RSRP1: variants seen among roughly 807,000 people sequenced by gnomAD.
RSRP1 encodes the protein arginine and serine rich protein 1.
In RSRP1, 37 loss-of-function variants were observed where a neutral mutation model predicts 33.0. The observed-to-expected ratio is 1.12, with a 90% CI of 0.86 to 1.48. RSRP1 has a LOEUF of 1.48. Ranked by LOEUF, RSRP1 falls within the 40% of genes most tolerant of loss-of-function variation. The pLI is 0.00. For synonymous variants in RSRP1, 167 were observed against 158.7 expected, an observed-to-expected ratio of 1.05 and a Z score of -0.40; for missense variants, 402 against 385.3, an observed-to-expected ratio of 1.04 and a Z score of -0.36.
Position 25,303,012 on chromosome 1 carries a change from C to T in RSRP1, c.-67+34966G>A, listed in dbSNP as rs2765553. 1.1e-3 allele frequency among the ~76,000 whole-genome samples: 147 copies of T among 128,944 alleles called. 11 individuals carry two copies. The highest frequency in any genetic ancestry group is 4.1e-3 in the East Asian group (21 of 5,098). The allele number at this position is 128,944 out of a possible 152,430, so 84.6% of individuals were successfully genotyped here. A position where few individuals can be genotyped will look rare whatever the true frequency, so the allele number is the denominator to read the frequency against. On this transcript the variant is annotated intron_variant, in intron 1 of 1. Coordinates refer to the RSRP1 transcript ENST00000561867. Reference sequence around the variant, plus strand: ...AAACAAAAACCCATTCTTCCCGCTGCCCAGGGACACACCACTAATGAGTGT... The same window carrying T: ...AAACAAAAACCCATTCTTCCCGCTGTCCAGGGACACACCACTAATGAGTGT...
chr1:25,263,289 C>T (rs660014), intron 1 of RSRP1, among the ~76,000 whole-genome samples: 18 of 151,754 alleles, frequency 1.2e-4, no homozygotes, highest in African/African-American at 2.9e-4. Context: ...TCTCGTAGGA[C>T]TTTATTCTGC....
chr1:25,246,717 G>T lies in RSRP1; in HGVS notation c.247C>A (p.Arg83=). ...CGGCTGCGGGATCGCGACCGGCTCC[G>T]CGAGTATGACCGCGAGTAGCGCCTG... The part of the protein sequence containing the change: ...KYRRYSRSYS[R]SRSRSRSRRY... The change falls in exon 2 of 5, where the codon CGG becomes AGG. Residue 83 remains arginine, a synonymous_variant. Coordinates refer to ENST00000243189, the MANE Select transcript of RSRP1 (RefSeq NM_020317.5). The T allele has an allele frequency of 6.2e-7, 1 of 1,607,638 alleles. No individual in the cohort carries two copies. Among genetic ancestry groups the T allele is most frequent in the Non-Finnish European group, 8.5e-7 (1 of 1,175,390 alleles).
intron 1 of RSRP1, among the ~76,000 whole-genome samples, chr1:25,263,119 T>A (rs563855262): frequency 1.3e-5 from 2 of 152,170 alleles, no homozygotes; most frequent in Admixed American, 6.6e-5. Context: ...AAGTGAGCCA[T>A]GTGGGTATGG....
At chr1:25,246,352 T>C in intron 2 of RSRP1, 92 bp downstream of exon 2, 2 of 1,527,450 alleles carry the variant, frequency 1.3e-6, no homozygotes, top group Non-Finnish European at 1.8e-6. Flanking sequence ...AAGGAACTAA[T>C]ATTGAAACTA....
intron 1 of RSRP1, among the ~76,000 whole-genome samples, chr1:25,259,764 A>G (rs559355021): frequency 8.5e-4 from 129 of 152,160 alleles, no homozygotes; most frequent in Non-Finnish European, 1.4e-3. Flanking sequence ...TCGGCCTCCC[A>G]AAGTGCTGGG....
At chr1:25,275,031 G>A (rs1640831202) in intron 1 of RSRP1, among the ~76,000 whole-genome samples, 1 of 129,282 alleles carries the variant, frequency 7.7e-6, no homozygotes. Context: ...ACTCATGCCT[G>A]TAATCCCAAA....
Position 25,301,581 on chromosome 1 carries a change from C to T in RSRP1, c.-67+36397G>A, listed in dbSNP as rs746242537. On this transcript the variant is annotated intron_variant, in intron 1 of 1. Transcript: ENST00000561867. Reference sequence around the variant, plus strand: ...ACTCTGCTCTGCTGAGAAGTCCAATCGAAAGGAAGAATGCCGTGTTCAACA... The same window carrying T: ...ACTCTGCTCTGCTGAGAAGTCCAATTGAAAGGAAGAATGCCGTGTTCAACA... 3.8e-5 allele frequency: 52 copies of T among 1,379,584 alleles called. 12 individuals carry two copies. The Admixed American group carries it at 5.0e-4, about 13-fold the overall frequency. 85.5% of individuals were successfully genotyped at this position (1,379,584 alleles called of 1,614,324 possible).
intron 1 of RSRP1, among the ~76,000 whole-genome samples, chr1:25,322,270 T>G (rs1644751368): frequency 7.6e-6 from 1 of 132,390 alleles, no homozygotes; most frequent in East Asian, 1.9e-4. Flanking sequence ...CCAAATAGTC[T>G]GACATGCGGG....
intron 1 of RSRP1, among the ~76,000 whole-genome samples, chr1:25,300,103 C>T (rs1643269398): frequency 7.6e-6 from 1 of 131,208 alleles, no homozygotes; most frequent in Admixed American, 7.4e-5. Flanking sequence ...CTTCATGTTG[C>T]AAAATTTATA....
rs577037522 is a variant in RSRP1 at position 25,268,946 on chromosome 1, C to T, written c.-66-21917G>A. Among the ~76,000 whole-genome samples the T allele has an allele frequency of 1.4e-4, 13 of 92,884 alleles. 1 individual carries two copies. In the South Asian group the frequency reaches 8.3e-3, roughly 59 times the overall value. 60.9% of individuals were successfully genotyped at this position (92,884 alleles called of 152,430 possible). A position where few individuals can be genotyped will look rare whatever the true frequency, so the allele number is the denominator to read the frequency against. On this transcript the variant is annotated intron_variant, in intron 1 of 1. Transcript: ENST00000561867. ...CTAGGCAACAAGAGCAAAACTTCAT[C>T]TCAAAAAAAAAAAAAAAAATAGGGC...
Position 25,333,169 on chromosome 1 carries a change from C to T in RSRP1, c.-67+4809G>A, listed in dbSNP as rs763058788. 2.3e-5 allele frequency among the ~76,000 whole-genome samples: 3 copies of T among 132,192 alleles called. 1 individual carries two copies. The highest frequency in any genetic ancestry group is 2.6e-5 in the African/African-American group (1 of 38,594). The allele number at this position is 132,192 out of a possible 152,430, so 86.7% of individuals were successfully genotyped here. On this transcript the variant is annotated intron_variant, in intron 1 of 1. Transcript: ENST00000561867. The stretch of plus-strand genomic sequence containing the variant: ...CCGTTTTTGTTCCAAGCCAACTGCA[C>T]GTTGAGGGCGGATGGTTCCCTCTTA...
chr1:25,249,013 G>T (rs1031180306), upstream of RSRP1, among the ~76,000 whole-genome samples: 1 of 152,146 alleles, frequency 6.6e-6, no homozygotes, highest in South Asian at 2.1e-4. Flanking sequence ...GCTTGACATG[G>T]TGGCGGGCGC....
chr1:25,246,391 C>T, intron 2 of RSRP1, 53 bp downstream of exon 2: 1 of 1,586,528 alleles, frequency 6.3e-7, no homozygotes, highest in South Asian at 1.1e-5. Flanking sequence ...CTAGCCTACT[C>T]ATATACTGCC....
At chr1:25,323,547 C>T (rs1644827188) in intron 1 of RSRP1, among the ~76,000 whole-genome samples, 2 of 127,074 alleles carry the variant, frequency 1.6e-5, no homozygotes, top group South Asian at 4.8e-4. Flanking sequence ...TAGCCTCAAC[C>T]TCCCCAGGCT....
In RSRP1 at chr1:25,310,831, G is replaced by A. The variant is rs542218689; in HGVS notation, c.-67+27147C>T. Among the ~76,000 whole-genome samples the A allele has an allele frequency of 2.3e-3, 301 of 131,956 alleles. 43 individuals are homozygous for A. The highest frequency in any genetic ancestry group is 5.9e-3 in the African/African-American group (227 of 38,728). The allele number at this position is 131,956 out of a possible 152,430, so 86.6% of individuals were successfully genotyped here. A position where few individuals can be genotyped will look rare whatever the true frequency, so the allele number is the denominator to read the frequency against. On this transcript the variant is annotated intron_variant, in intron 1 of 1. Transcript: ENST00000561867. Reference sequence around the variant, plus strand: ...TACCAAAAATACAAAAAATTAGCTGGGCGTGGTGGCGCACACCTGTAATCT... The same window carrying A: ...TACCAAAAATACAAAAAATTAGCTGAGCGTGGTGGCGCACACCTGTAATCT...
intron 1 of RSRP1, among the ~76,000 whole-genome samples, chr1:25,261,031 A>C (rs1171664742): frequency 6.6e-6 from 1 of 151,880 alleles, no homozygotes; most frequent in African/African-American, 2.4e-5. Context: ...CCAACTCCTG[A>C]CCTTGTCATC....
At position 25,281,059 on chromosome 1, in the gene RSRP1, A is replaced by G. The variant is rs1296667614; in HGVS notation, c.-66-34030T>C. 3.0e-5 allele frequency among the ~76,000 whole-genome samples: 4 copies of G among 132,406 alleles called. 1 individual carries two copies. Among genetic ancestry groups the G allele is most frequent in the African/African-American group, 5.2e-5 (2 of 38,412 alleles). The allele number at this position is 132,406 out of a possible 152,430, so 86.9% of individuals were successfully genotyped here. ...ATCAAGTCCAACTCCTATGTGTTACAGACAGGGAAACTGAGGCCTAAAGAG... is the reference window on the plus strand; with the variant it reads ...ATCAAGTCCAACTCCTATGTGTTACGGACAGGGAAACTGAGGCCTAAAGAG... On this transcript the variant is annotated intron_variant, in intron 1 of 1. Coordinates refer to the RSRP1 transcript ENST00000561867.
rs748218600 is a variant in RSRP1, at chr1:25,245,151, T to G, written c.671A>C (p.Glu224Ala). The change falls in exon 3 of 5, where the codon GAA becomes GCA. Residue 224 changes from glutamate to alanine, a missense_variant and splice_region_variant. Physicochemically the swap from Glu to Ala is moderately radical, Grantham distance 107. Coordinates refer to ENST00000243189, the MANE Select transcript of RSRP1 (RefSeq NM_020317.5). ...IGVSSNGAKP[E>A]LSEKVTEDGT... ...TTCCGACAAACCTAGAATACTTACT[T>G]CAGGCTTTGCACCATTACTTGATAC... 3.7e-6 allele frequency: 6 copies of G among 1,614,108 alleles called. No homozygotes were observed. Among genetic ancestry groups the G allele is most frequent in the Admixed American group, 1.7e-5 (1 of 60,014 alleles).
In RSRP1 at chr1:25,262,360, T is replaced by C. The variant is rs3178749; in HGVS notation, c.-66-15331A>G. Among the ~76,000 whole-genome samples the C allele has an allele frequency of 7.3e-4, 111 of 152,294 alleles. 1 individual carries two copies. The highest frequency in any genetic ancestry group is 2.1e-3 in the African/African-American group (86 of 41,558). On this transcript the variant is annotated intron_variant, in intron 1 of 1. Coordinates refer to the RSRP1 transcript ENST00000561867. ...AAACAAATGGATAAAGTCCCTGTCC[T>C]CATGAAACTTGTATTCTAATGGAAG...
Sources: allele counts gnomAD v4.1 joint callset (sites outside exome capture counted in the v4.1 genomes callset), GRCh38; gene constraint gnomAD v4.1.1; transcripts MANE v1.5; gene names NCBI Gene and HGNC (gene_info 2026-07-23, HGNC 2026-07-21).